Variants in GYG1 observed in about 807,000 individuals in gnomAD.
GYG1 encodes the protein glycogenin 1.
A neutral mutation model predicts 41.9 loss-of-function variants in GYG1; 44 were observed. The observed-to-expected ratio is 1.05, with a 90% CI of 0.83 to 1.35. GYG1 has a LOEUF of 1.35. Ranked by LOEUF, GYG1 falls within the 40% of genes most tolerant of loss-of-function variation. The pLI is 0.00. For missense variants in GYG1, 429 were observed against 418.9 expected (o/e 1.02, Z -0.21); for synonymous variants, 141 against 158.1 (o/e 0.89, Z 0.81).
chr3:149,006,006 A>T (rs1239076561), intron 4 of GYG1, among the ~76,000 whole-genome samples: 1 of 150,766 alleles, frequency 6.6e-6, no homozygotes, highest in Non-Finnish European at 1.5e-5. Context: ...ACTTTATCAC[A>T]TGGGTAGATT....
At chr3:149,005,861 A>T (rs1713372534) in intron 4 of GYG1, among the ~76,000 whole-genome samples, 1 of 152,180 alleles carries the variant, frequency 6.6e-6, no homozygotes, top group Non-Finnish European at 1.5e-5. Context: ...ACCTTACATA[A>T]CTAAAATGTA....
At chr3:149,014,420 G>A (rs1160006435) in intron 5 of GYG1, among the ~76,000 whole-genome samples, 1 of 152,128 alleles carries the variant, frequency 6.6e-6, no homozygotes, top group Non-Finnish European at 1.5e-5. Flanking sequence ...AAGTCTGGGG[G>A]AGGAATGCCA....
intron 4 of GYG1, among the ~76,000 whole-genome samples, chr3:149,002,585 G>T (rs909000245): frequency 1.3e-5 from 2 of 152,102 alleles, no homozygotes; most frequent in Admixed American, 6.6e-5. Context: ...AGCCACCTTG[G>T]GTTAATCTAA....
intron 5 of GYG1, among the ~76,000 whole-genome samples, chr3:149,016,284 GAAAA>G (rs1356253404): frequency 8.5e-6 from 1 of 117,316 alleles, no homozygotes; most frequent in Non-Finnish European, 1.8e-5. Context: ...AAACAAAAAA[GAAAA>G]AAAAAAAAGA....
At chr3:148,992,200 A>G (rs1444200359) in intron 1 of GYG1, among the ~76,000 whole-genome samples, 1 of 152,212 alleles carries the variant, frequency 6.6e-6, no homozygotes, top group Non-Finnish European at 1.5e-5. Flanking sequence ...GAGTCGGACT[A>G]GCGTCCCCGG....
intron 1 of GYG1, among the ~76,000 whole-genome samples, chr3:148,992,030 G>A (rs1242444788): frequency 2.6e-5 from 4 of 151,788 alleles, no homozygotes; most frequent in African/African-American, 9.7e-5. Context: ...CGGCATCGTG[G>A]GGAGCTGCCC....
In GYG1 at chr3:148,991,632, G is replaced by A; in HGVS notation, c.-9G>A. ...GGCTGCCCCGGCCGCCTGCGCACCC[G>A]GCAGCACCATGACAGGTACCGCCGC... On this transcript the variant is annotated 5_prime_UTR_variant, in exon 1 of 8. Coordinates refer to ENST00000345003, the MANE Select transcript of GYG1 (RefSeq NM_004130.4). 6.4e-7 allele frequency: 1 copy of A among 1,553,688 alleles called. No homozygotes were observed. The highest frequency in any genetic ancestry group is 8.6e-7 in the Non-Finnish European group (1 of 1,158,520).
intron 5 of GYG1, among the ~76,000 whole-genome samples, chr3:149,022,227 G>T (rs1276762851): frequency 2.0e-5 from 3 of 152,102 alleles, no homozygotes; most frequent in East Asian, 1.9e-4. Flanking sequence ...TTTCCTGCCA[G>T]CTAGAACAGG....
In GYG1 at chr3:148,991,630, C is replaced by T. The variant is rs747356160; in HGVS notation, c.-11C>T. On this transcript the variant is annotated 5_prime_UTR_variant, in exon 1 of 8. Coordinates refer to ENST00000345003, the MANE Select transcript of GYG1 (RefSeq NM_004130.4). The stretch of plus-strand genomic sequence containing the variant: ...GAGGCTGCCCCGGCCGCCTGCGCAC[C>T]CGGCAGCACCATGACAGGTACCGCC... 1.3e-6 allele frequency: 2 copies of T among 1,553,994 alleles called. No homozygotes were observed. Among genetic ancestry groups the T allele is most frequent in the Non-Finnish European group, 8.6e-7 (1 of 1,158,658 alleles).
intron 5 of GYG1, among the ~76,000 whole-genome samples, chr3:149,018,629 C>CT (rs1277914814): frequency 6.6e-6 from 1 of 152,190 alleles, no homozygotes; most frequent in Non-Finnish European, 1.5e-5. Context: ...CCCCAAAGGG[C>CT]TCTTGGGCTG....
intron 5 of GYG1, among the ~76,000 whole-genome samples, chr3:149,019,636 G>A (rs1714263693): frequency 6.6e-6 from 1 of 152,376 alleles, no homozygotes; most frequent in South Asian, 2.1e-4. Context: ...AATAGGTAAA[G>A]AAGGTAATTT....
intron 2 of GYG1, among the ~76,000 whole-genome samples, chr3:148,995,724 T>A (rs1488533537): frequency 6.6e-6 from 1 of 152,232 alleles, no homozygotes; most frequent in Admixed American, 6.5e-5. Context: ...TCTGATGTTA[T>A]AAACTTTCAG....
At chr3:149,017,582 G>T (rs1271857084) in intron 5 of GYG1, among the ~76,000 whole-genome samples, 17 of 47,372 alleles carry the variant, frequency 3.6e-4, no homozygotes, top group South Asian at 1.4e-3. Flanking sequence ...TTTTATTTAG[G>T]TTTTTTTTTT....
chr3:149,009,453 G>A (rs1475524011), intron 5 of GYG1, 51 bp downstream of exon 5: 1 of 1,587,704 alleles, frequency 6.3e-7, no homozygotes, highest in Non-Finnish European at 8.6e-7. Flanking sequence ...GCAGAGAATT[G>A]GGGTGTACAA....
Position 149,030,219 on chromosome 3 carries a change from AT to A in GYG1, c.*3291del, listed in dbSNP as rs1427244312. On this transcript the variant is annotated 3_prime_UTR_variant, in exon 8 of 8. Coordinates refer to ENST00000345003, the MANE Select transcript of GYG1 (RefSeq NM_004130.4). ...CAAGTGGTAATACAATGTCTTCAATATTTTTCTAAAGTTATTTTTCTATATA... is the reference window on the plus strand; with the variant it reads ...CAAGTGGTAATACAATGTCTTCAATATTTTCTAAAGTTATTTTTCTATATA... The A allele has an allele frequency of 6.6e-6, 1 of 152,136 alleles. No individual in the cohort carries two copies. Among genetic ancestry groups the A allele is most frequent in the Non-Finnish European group, 1.5e-5 (1 of 68,008 alleles). The allele number at this position is 152,136 out of a possible 1,614,324, so 9.4% of individuals were successfully genotyped here. A position where few individuals can be genotyped will look rare whatever the true frequency, so the allele number is the denominator to read the frequency against.
chr3:149,017,033 G>A (rs1312349087), intron 5 of GYG1, among the ~76,000 whole-genome samples: 2 of 152,232 alleles, frequency 1.3e-5, no homozygotes, highest in Admixed American at 1.3e-4. Context: ...AAAGAGCTTA[G>A]TGAGGACTAA....
At chr3:149,011,171 T>G (rs2107905371) in intron 5 of GYG1, among the ~76,000 whole-genome samples, 1 of 152,318 alleles carries the variant, frequency 6.6e-6, no homozygotes, top group East Asian at 1.9e-4. Flanking sequence ...CAGGATTCAC[T>G]GTCAAGGGAG....
intron 5 of GYG1, among the ~76,000 whole-genome samples, chr3:149,015,865 G>T (rs1713993687): frequency 6.6e-6 from 1 of 152,134 alleles, no homozygotes; most frequent in Admixed American, 6.5e-5. Context: ...GATGTTGGGG[G>T]TGGGGACAAT....
At position 148,996,765 on chromosome 3, in the gene GYG1, T is replaced by C. The variant is rs770259395; in HGVS notation, c.342T>C (p.Leu114=). The C allele has an allele frequency of 1.1e-5, 18 of 1,613,968 alleles. No homozygotes were observed. Among genetic ancestry groups the C allele is most frequent in the Non-Finnish European group, 1.4e-5 (17 of 1,179,920 alleles). ...AGGTCCTAGCAAATATTGATGATCT[T>C]TTTGACAGAGAAGAATTGTCAGCAG... ...DTLVLANIDD[L]FDREELSAAP... Residue 114 remains leucine (L), a synonymous_variant, in exon 4 of 8, where the codon CTT becomes CTC. Coordinates refer to ENST00000345003, the MANE Select transcript of GYG1 (RefSeq NM_004130.4).
Sources: allele counts gnomAD v4.1 joint callset (sites outside exome capture counted in the v4.1 genomes callset), GRCh38; gene constraint gnomAD v4.1.1; transcripts MANE v1.5; gene names NCBI Gene and HGNC (gene_info 2026-07-23, HGNC 2026-07-21).